Variants in CTNND2 observed in about 807,000 individuals in gnomAD.
The protein encoded by CTNND2 is catenin delta-2.
CTNND2 carries 22 observed loss-of-function variants against 144.4 expected under a neutral mutation model. The observed-to-expected ratio is 0.15, with a 90% CI of 0.11 to 0.22. The LOEUF (loss-of-function observed/expected upper bound fraction) is 0.22. Ranked by LOEUF, CTNND2 falls within the 10% of genes least tolerant of loss-of-function variation. The pLI is 1.00. For missense variants in CTNND2, 1,353 were observed against 1,618.8 expected, an observed-to-expected ratio of 0.84 and a Z score of 2.82; for synonymous variants, 751 against 695.6, an observed-to-expected ratio of 1.08 and a Z score of -1.25.
rs1173197785 is a variant in CTNND2, at chr5:11,674,072, T to C, written c.174+58064A>G. ...TCCTTCTTAAATTACAATAAGTAAA[T>C]GTAGTGAGTTTTTTATTCCCAAGCA... is the stretch of plus-strand genomic sequence containing the variant. On this transcript the variant is annotated intron_variant, in intron 2 of 21. Coordinates refer to ENST00000304623, the MANE Select transcript of CTNND2 (RefSeq NM_001332.4). Among the ~76,000 whole-genome samples, 3 of 152,170 alleles carry C rather than the reference T, an allele frequency of 2.0e-5. No individual in the cohort carries two copies. In the East Asian group the frequency reaches 5.8e-4, roughly 29 times the overall value.
At chr5:11,202,782 C>T (rs939318469) in intron 10 of CTNND2, among the ~76,000 whole-genome samples, 4 of 151,954 alleles carry the variant, frequency 2.6e-5, no homozygotes, top group Non-Finnish European at 5.9e-5. Flanking sequence ...TCCTTCCTTT[C>T]TCCAATTTCT....
intron 1 of CTNND2, among the ~76,000 whole-genome samples, chr5:11,796,524 C>T (rs916467257): frequency 1.3e-5 from 2 of 152,128 alleles, no homozygotes; most frequent in African/African-American, 4.8e-5. Flanking sequence ...TCCCTTTGTA[C>T]CTATAACATT....
intron 9 of CTNND2, among the ~76,000 whole-genome samples, chr5:11,246,158 T>C (rs1457666579): frequency 6.6e-6 from 1 of 152,216 alleles, no homozygotes; most frequent in African/African-American, 2.4e-5. Flanking sequence ...CTTGGGGAGC[T>C]GACTTTCGAT....
At chr5:11,526,070 A>T (rs1773219362) in intron 3 of CTNND2, among the ~76,000 whole-genome samples, 1 of 152,000 alleles carries the variant, frequency 6.6e-6, no homozygotes, top group African/African-American at 2.4e-5. Context: ...CACATGGCTA[A>T]TTTTTGTATT....
At chr5:11,293,706 G>T (rs1748601115) in intron 9 of CTNND2, among the ~76,000 whole-genome samples, 1 of 150,566 alleles carries the variant, frequency 6.6e-6, no homozygotes, top group African/African-American at 2.4e-5. Flanking sequence ...ATTTCAAACA[G>T]TGGACTTATG....
chr5:11,397,156 C>G lies in CTNND2; in HGVS notation c.487G>C (p.Glu163Gln), dbSNP rs1561333131. The change falls in exon 6 of 22, where the codon GAA becomes CAA. Residue 163 changes from glutamate to glutamine, a missense_variant. Around this residue, in one of 4 missense-constraint regions of CTNND2, gnomAD observed 708 missense variants for 706.4 expected, o/e 1.00. Transcript: ENST00000304623. ...CTGGCCGGATACTGGAAAGACCCTTCAGGTTTGGAATTGAGCTGAAGTGCA... is the reference window on the plus strand; with the variant it reads ...CTGGCCGGATACTGGAAAGACCCTTGAGGTTTGGAATTGAGCTGAAGTGCA... ...QSALQLNSKP[E>Q]GSFQYPASYH... 1 of 1,614,238 alleles carries G rather than the reference C, an allele frequency of 6.2e-7. No individual in the cohort carries two copies. Among genetic ancestry groups the G allele is most frequent in the East Asian group, 2.2e-5 (1 of 44,884 alleles).
chr5:11,869,471 T>C (rs1339428870), intron 1 of CTNND2, among the ~76,000 whole-genome samples: 2 of 152,168 alleles, frequency 1.3e-5, no homozygotes, highest in East Asian at 3.9e-4. Flanking sequence ...ATAAGCCTGA[T>C]ACAAAAGGTC....
At chr5:11,231,417 C>T (rs969970477) in intron 10 of CTNND2, among the ~76,000 whole-genome samples, 4 of 152,068 alleles carry the variant, frequency 2.6e-5, no homozygotes, top group African/African-American at 9.7e-5. Flanking sequence ...TGGCTTTGAC[C>T]AAAATGCTGA....
intron 2 of CTNND2, among the ~76,000 whole-genome samples, chr5:11,586,818 G>A (rs1778896822): frequency 6.6e-6 from 1 of 151,966 alleles, no homozygotes; most frequent in African/African-American, 2.4e-5. Context: ...TTTGTAACAT[G>A]GCATTAGAAA....
intron 3 of CTNND2, among the ~76,000 whole-genome samples, chr5:11,489,038 T>G (rs1348623842): frequency 5.1e-5 from 7 of 137,128 alleles, no homozygotes; most frequent in Non-Finnish European, 9.6e-5. Flanking sequence ...AGTTTTGGTG[T>G]AGACACAAGT....
chr5:11,888,020 T>C (rs931091829), intron 1 of CTNND2, among the ~76,000 whole-genome samples: 3 of 152,220 alleles, frequency 2.0e-5, no homozygotes, highest in Non-Finnish European at 4.4e-5. Context: ...TAAATTATAT[T>C]TTAATGCTTT....
chr5:11,839,418 T>C (rs1454697505), intron 1 of CTNND2, among the ~76,000 whole-genome samples: 1 of 151,992 alleles, frequency 6.6e-6, no homozygotes, highest in Admixed American at 6.6e-5. Context: ...CTACCCCAGA[T>C]TTAGTGGCAT....
chr5:11,801,936 T>C (rs1791704365), intron 1 of CTNND2, among the ~76,000 whole-genome samples: 1 of 152,146 alleles, frequency 6.6e-6, no homozygotes, highest in South Asian at 2.1e-4. Flanking sequence ...GAAAATGCGA[T>C]ACATTTTTCC....
At chr5:11,357,219 C>T (rs917235252) in intron 8 of CTNND2, among the ~76,000 whole-genome samples, 3 of 152,050 alleles carry the variant, frequency 2.0e-5, no homozygotes, top group African/African-American at 7.2e-5. Context: ...AAAGAGATAC[C>T]TGTACACTCA....
chr5:11,158,564 A>G (rs1240914856), intron 12 of CTNND2, among the ~76,000 whole-genome samples: 1 of 152,124 alleles, frequency 6.6e-6, no homozygotes, highest in Non-Finnish European at 1.5e-5. Context: ...CTGTGCACAC[A>G]CATTTCACAC....
chr5:11,007,709 A>G (rs544792624), intron 18 of CTNND2, among the ~76,000 whole-genome samples: 97 of 152,364 alleles, frequency 6.4e-4, no homozygotes, highest in African/African-American at 2.3e-3. Context: ...TTACTGTGGA[A>G]GTATTTCCAA....
At chr5:11,691,107 C>G (rs1784887819) in intron 2 of CTNND2, among the ~76,000 whole-genome samples, 1 of 152,118 alleles carries the variant, frequency 6.6e-6, no homozygotes, top group African/African-American at 2.4e-5. Flanking sequence ...CGCGGTGGCT[C>G]ACACCTGTAA....
rs1758797853 is a variant in CTNND2 at position 11,384,099 on chromosome 5, GT to G, written c.1177+565del. ...ATGACAGGTATGGGAGAGTCCTTTA[GT>G]TTTCCCAATAACTAATTTAGCAAAG... On this transcript the variant is annotated intron_variant, in intron 7 of 21. Coordinates refer to ENST00000304623, the MANE Select transcript of CTNND2 (RefSeq NM_001332.4). The surrounding 1 kb of genome is among the most constrained non-coding windows in gnomAD (Gnocchi z 5.2). Among the ~76,000 whole-genome samples, 1 of 152,142 alleles carries G rather than the reference GT, an allele frequency of 6.6e-6. No individual in the cohort carries two copies. The highest frequency in any genetic ancestry group is 1.5e-5 in the Non-Finnish European group (1 of 68,028).
chr5:11,638,027 T>C (rs141879058), intron 2 of CTNND2, among the ~76,000 whole-genome samples: 1 of 152,178 alleles, frequency 6.6e-6, no homozygotes, highest in African/African-American at 2.4e-5. Flanking sequence ...CAGCCTCTCT[T>C]TTTTCATCAC....
Sources: allele counts gnomAD v4.1 joint callset (sites outside exome capture counted in the v4.1 genomes callset), GRCh38; gene constraint gnomAD v4.1.1; regional missense constraint gnomAD v4.1.1; non-coding constraint Gnocchi (gnomAD v3.1); transcripts MANE v1.5; gene names NCBI Gene and HGNC (gene_info 2026-07-23, HGNC 2026-07-21).